CNTN5: variants seen among roughly 807,000 people sequenced by gnomAD.
The protein encoded by CNTN5 is contactin-5.
CNTN5 carries 77 observed loss-of-function variants against 129.1 expected under a neutral mutation model. The observed-to-expected ratio is 0.60, with a 90% CI of 0.50 to 0.72. The LOEUF (loss-of-function observed/expected upper bound fraction) is 0.72, where lower values mean the gene tolerates loss of function less well. Among genes scored for constraint, CNTN5 ranks in the 30% least tolerant of loss-of-function variants. The pLI, the probability that CNTN5 is intolerant of heterozygous loss-of-function variation, is 0.00. For synonymous variants in CNTN5, 509 were observed against 465.6 expected, an observed-to-expected ratio of 1.09 and a Z score of -1.20; for missense variants, 1,478 against 1,328.8, an observed-to-expected ratio of 1.11 and a Z score of -1.75.
intron 1 of CNTN5, among the ~76,000 whole-genome samples, chr11:99,209,742 T>C (rs752573679): frequency 6.6e-6 from 1 of 152,178 alleles, no homozygotes; most frequent in Non-Finnish European, 1.5e-5. Context: ...AGTAAATGAA[T>C]AGACAGTAAA....
chr11:99,878,873 T>C (rs552856632), intron 6 of CNTN5, among the ~76,000 whole-genome samples: 2 of 152,174 alleles, frequency 1.3e-5, no homozygotes, highest in East Asian at 3.9e-4. Flanking sequence ...AATTAATAAT[T>C]TTTTTTAAAA....
chr11:99,321,267 A>G (rs897926361), intron 1 of CNTN5, among the ~76,000 whole-genome samples: 1 of 151,502 alleles, frequency 6.6e-6, no homozygotes, highest in African/African-American at 2.4e-5. Context: ...ACACACATAC[A>G]TCCTACTGGT....
intron 3 of CNTN5, among the ~76,000 whole-genome samples, chr11:99,675,870 A>G (rs190815627): frequency 2.0e-5 from 3 of 152,286 alleles, no homozygotes; most frequent in African/African-American, 7.2e-5. Context: ...ATTTCCTTGC[A>G]AAAAGGAAAC....
chr11:99,285,447 A>G (rs1384683255), intron 1 of CNTN5, among the ~76,000 whole-genome samples: 1 of 152,148 alleles, frequency 6.6e-6, no homozygotes. Flanking sequence ...ACATTGATTC[A>G]TATTTGAATG....
intron 2 of CNTN5, among the ~76,000 whole-genome samples, chr11:99,425,414 G>A (rs111494524): frequency 1.3e-3 from 200 of 152,278 alleles, no homozygotes; most frequent in African/African-American, 4.4e-3. Context: ...AAGGTTGTTC[G>A]TGCTGAGAGA....
At chr11:99,237,154 C>T (rs537426368) in intron 1 of CNTN5, among the ~76,000 whole-genome samples, 63 of 151,992 alleles carry the variant, frequency 4.1e-4, no homozygotes, top group South Asian at 1.5e-3. Context: ...TATTACTACA[C>T]GCAAAACATT....
intron 1 of CNTN5, among the ~76,000 whole-genome samples, chr11:99,097,153 C>T (rs1940491): frequency 0.47 from 71,532 of 151,596 alleles, 17,057 homozygotes; most frequent in East Asian, 0.6. Flanking sequence ...AAGAAAACCA[C>T]TGGTGTATCC....
chr11:99,540,596 A>T (rs1948068102), intron 2 of CNTN5, among the ~76,000 whole-genome samples: 1 of 152,206 alleles, frequency 6.6e-6, no homozygotes, highest in South Asian at 2.1e-4. Flanking sequence ...TTTCAAAGGC[A>T]TGAGACTTAA....
intron 3 of CNTN5, among the ~76,000 whole-genome samples, chr11:99,675,502 G>A (rs1953238183): frequency 6.6e-6 from 1 of 152,102 alleles, no homozygotes; most frequent in Admixed American, 6.6e-5. Context: ...GGGCAACATG[G>A]TGAAACCCTG....
intron 3 of CNTN5, among the ~76,000 whole-genome samples, chr11:99,658,974 CACA>C (rs1284863866): frequency 2.0e-5 from 3 of 151,350 alleles, no homozygotes; most frequent in African/African-American, 7.3e-5. Context: ...CAATCTCCTA[CACA>C]ACATTTACAG....
chr11:100,134,983 C>G (rs767718876), intron 13 of CNTN5, among the ~76,000 whole-genome samples: 1 of 151,880 alleles, frequency 6.6e-6, no homozygotes. Flanking sequence ...ATGTAGATAA[C>G]TCTCAGTATA....
intron 4 of CNTN5, among the ~76,000 whole-genome samples, chr11:99,837,267 A>T (rs974660352): frequency 3.4e-4 from 52 of 152,272 alleles, no homozygotes; most frequent in African/African-American, 1.2e-3. Flanking sequence ...AAATGATTTT[A>T]TTTTAATGTA....
chr11:99,658,883 T>A (rs676313), intron 3 of CNTN5, among the ~76,000 whole-genome samples: 42,749 of 111,596 alleles, frequency 0.38, 7,652 homozygotes, highest in Non-Finnish European at 0.48. Flanking sequence ...AGTGAAACTC[T>A]GTCTCAAAAA....
chr11:99,405,296 C>T (rs954180566), intron 2 of CNTN5, among the ~76,000 whole-genome samples: 7 of 152,118 alleles, frequency 4.6e-5, no homozygotes, highest in Non-Finnish European at 1.0e-4. Flanking sequence ...GACTAACATT[C>T]TATCCCTCTT....
At chr11:99,238,181 T>C (rs920456453) in intron 1 of CNTN5, among the ~76,000 whole-genome samples, 9 of 152,164 alleles carry the variant, frequency 5.9e-5, no homozygotes, top group African/African-American at 2.2e-4. Context: ...AGTAGAATAA[T>C]GCACATGGGG....
At chr11:99,897,140 T>C (rs1175261852) in intron 6 of CNTN5, among the ~76,000 whole-genome samples, 1 of 151,978 alleles carries the variant, frequency 6.6e-6, no homozygotes. Flanking sequence ...AACAAAACCT[T>C]TGAGAAATAA....
intron 2 of CNTN5, among the ~76,000 whole-genome samples, chr11:99,402,174 T>C (rs1941847046): frequency 6.6e-6 from 1 of 152,184 alleles, no homozygotes; most frequent in South Asian, 2.1e-4. Context: ...CTTTTAGTAT[T>C]TCCCCATTCA....
intron 13 of CNTN5, among the ~76,000 whole-genome samples, chr11:100,163,649 T>G: frequency 6.6e-6 from 1 of 151,838 alleles, no homozygotes. Flanking sequence ...ACCACACACT[T>G]CTTGTTTCTG....
At chr11:99,119,701 A>C (rs1166646409) in intron 1 of CNTN5, among the ~76,000 whole-genome samples, 1 of 152,078 alleles carries the variant, frequency 6.6e-6, no homozygotes, top group Non-Finnish European at 1.5e-5. Context: ...TAGATCTTTG[A>C]GGAATCGCCA....
Sources: allele counts gnomAD v4.1 joint callset (sites outside exome capture counted in the v4.1 genomes callset), GRCh38; gene constraint gnomAD v4.1.1; transcripts MANE v1.5; gene names NCBI Gene and HGNC (gene_info 2026-07-23, HGNC 2026-07-21).